Variants in WDR37 observed in about 807,000 individuals in gnomAD.
WDR37 encodes the protein WD repeat-containing protein 37.
A neutral mutation model predicts 62.9 loss-of-function variants in WDR37; 19 were observed. That is an observed-to-expected ratio of 0.30 (90% confidence interval 0.21 to 0.44). WDR37 has a LOEUF of 0.44. Ranked by LOEUF, WDR37 falls within the 20% of genes least tolerant of loss-of-function variation. The pLI, the probability that WDR37 is intolerant of heterozygous loss-of-function variation, is 1.00. For synonymous variants in WDR37, 250 were observed against 260.9 expected (o/e 0.96, Z 0.40); for missense variants, 474 against 657.6 (o/e 0.72, Z 3.05).
In WDR37 at chr10:1,104,304, G is replaced by A. The variant is rs545622005; in HGVS notation, c.961+468G>A. On this transcript the variant is annotated intron_variant, in intron 10 of 13. Coordinates refer to ENST00000263150, the MANE Select transcript of WDR37 (RefSeq NM_014023.4). ...GGTCATTGGAGGAGCTCCTTCTTGC[G>A]TCTGGAGTTTGAGGCCCTGTCTTCT... 9.8e-5 allele frequency among the ~76,000 whole-genome samples: 15 copies of A among 152,312 alleles called. No individual in the cohort carries two copies. The East Asian group carries it at 2.3e-3, about 24-fold the overall frequency.
intron 7 of WDR37, 58 bp from the exon 8 acceptor site, chr10:1,093,394 T>C: frequency 1.5e-6 from 2 of 1,373,524 alleles, no homozygotes; most frequent in South Asian, 2.4e-5. Flanking sequence ...AGCTAATAAA[T>C]GTTGATAACA....
chr10:1,108,758 C>A (rs1005791127), intron 11 of WDR37, among the ~76,000 whole-genome samples: 10 of 136,308 alleles, frequency 7.3e-5, no homozygotes, highest in African/African-American at 2.6e-4. Flanking sequence ...CCCCGTGGAA[C>A]CTGCAGGGCC....
intron 11 of WDR37, among the ~76,000 whole-genome samples, chr10:1,116,303 A>C: frequency 6.8e-6 from 1 of 146,744 alleles, no homozygotes; most frequent in African/African-American, 2.6e-5. Flanking sequence ...CATGTCTCTC[A>C]GTCCTCCCGT....
At chr10:1,124,098 G>C (rs954085731) in intron 11 of WDR37, 120 bp from the exon 12 acceptor site, 6 of 1,365,794 alleles carry the variant, frequency 4.4e-6, no homozygotes, top group Non-Finnish European at 6.0e-6. Context: ...GCAGAGGAGA[G>C]AGCTGTGAGT....
intron 9 of WDR37, among the ~76,000 whole-genome samples, chr10:1,102,670 A>C (rs1834863888): frequency 6.6e-6 from 1 of 152,130 alleles, no homozygotes; most frequent in Non-Finnish European, 1.5e-5. Context: ...GCTATGAGGA[A>C]TCCTCCCCCA....
At chr10:1,079,444 G>A (rs997877758) in intron 3 of WDR37, among the ~76,000 whole-genome samples, 1 of 152,170 alleles carries the variant, frequency 6.6e-6, no homozygotes, top group Non-Finnish European at 1.5e-5. Flanking sequence ...TGAAATGCGG[G>A]TGCTGTCTTT....
intron 8 of WDR37, among the ~76,000 whole-genome samples, chr10:1,094,018 A>G (rs1161509762): frequency 2.0e-5 from 3 of 152,176 alleles, no homozygotes. Flanking sequence ...GGGTAGCCTT[A>G]CAGTACTGAG....
chr10:1,084,576 T>C, intron 6 of WDR37, 38 bp downstream of exon 6: 2 of 1,600,170 alleles, frequency 1.2e-6, no homozygotes, highest in Non-Finnish European at 1.7e-6. Flanking sequence ...TGCGGAAGCA[T>C]GGCTGTGCTT....
At chr10:1,057,885 G>T (rs1225783297) in intron 1 of WDR37, among the ~76,000 whole-genome samples, 1 of 152,082 alleles carries the variant, frequency 6.6e-6, no homozygotes, top group African/African-American at 2.4e-5. Flanking sequence ...TGTGAGTTAC[G>T]GTCATAAAAG....
Position 1,077,897 on chromosome 10 carries a change from T to G in WDR37, c.139-10T>G. 6.2e-7 allele frequency: 1 copy of G among 1,601,348 alleles called. No individual in the cohort carries two copies. The highest frequency in any genetic ancestry group is 8.5e-7 in the Non-Finnish European group (1 of 1,174,322). On this transcript the variant is annotated splice_polypyrimidine_tract_variant and intron_variant, in intron 2 of 13. Transcript: ENST00000263150. Reference sequence around the variant, plus strand: ...CATTCATTCATTTTAAACAAAGTCTTCTTCTGCAGGATTCTAAACTGCCTT... The same window carrying G: ...CATTCATTCATTTTAAACAAAGTCTGCTTCTGCAGGATTCTAAACTGCCTT...
intron 9 of WDR37, among the ~76,000 whole-genome samples, chr10:1,096,920 A>T (rs59245488): frequency 0.096 from 14,687 of 152,210 alleles, 1,480 homozygotes; most frequent in African/African-American, 0.26. Context: ...GAATGCAGGT[A>T]TCATAGACAG....
At chr10:1,084,766 G>A (rs1834146096) in intron 6 of WDR37, among the ~76,000 whole-genome samples, 1 of 152,208 alleles carries the variant, frequency 6.6e-6, no homozygotes, top group Non-Finnish European at 1.5e-5. Flanking sequence ...TGCATTTTGT[G>A]GTCCCGTGGG....
At chr10:1,080,205 C>A in intron 4 of WDR37, 99 bp downstream of exon 4, 1 of 1,402,788 alleles carries the variant, frequency 7.1e-7, no homozygotes, top group Non-Finnish European at 1.0e-6. Flanking sequence ...TTGCTGTCAG[C>A]AGACCTCGAA....
intron 7 of WDR37, among the ~76,000 whole-genome samples, chr10:1,087,985 T>TC (rs1204893086): frequency 6.6e-6 from 1 of 152,244 alleles, no homozygotes; most frequent in Non-Finnish European, 1.5e-5. Context: ...CTGCAGCTTC[T>TC]CCATCAGCAC....
chr10:1,069,387 A>ATTTTTTTTT (rs1368989652), intron 1 of WDR37, among the ~76,000 whole-genome samples: 2 of 30,444 alleles, frequency 6.6e-5, no homozygotes, highest in African/African-American at 1.6e-4. Context: ...ATATATATAT[A>ATTTTTTTTT]TATTTTTTTT....
intron 2 of WDR37, among the ~76,000 whole-genome samples, chr10:1,073,139 AAG>A (rs1341198847): frequency 6.6e-6 from 1 of 152,184 alleles, no homozygotes; most frequent in Non-Finnish European, 1.5e-5. Flanking sequence ...AGAATTTTTA[AAG>A]AGTGTTGTGA....
chr10:1,126,384 C>G (rs372758011), intron 13 of WDR37, among the ~76,000 whole-genome samples: 160 of 146,740 alleles, frequency 1.1e-3, no homozygotes, highest in East Asian at 5.2e-3. Flanking sequence ...CCAGCCTGGG[C>G]GACAGAGCGA....
intron 5 of WDR37, 57 bp from the exon 6 acceptor site, chr10:1,084,346 A>C: frequency 6.3e-7 from 1 of 1,587,612 alleles, no homozygotes; most frequent in Non-Finnish European, 8.6e-7. Context: ...CTCTTTCTTG[A>C]CTTAGAAAAA....
rs118124267 is a variant in WDR37, at chr10:1,083,151, G to A, written c.397-1252G>A. On this transcript the variant is annotated intron_variant, in intron 5 of 13. Transcript: ENST00000263150. ...ATTTAACATCTGAATGACACTTTCT[G>A]TAAGCAAAAGCATCTCCCATGTTGT... is the stretch of plus-strand genomic sequence containing the variant. 1.1e-3 allele frequency among the ~76,000 whole-genome samples: 165 copies of A among 152,284 alleles called. 2 individuals are homozygous for A. Among genetic ancestry groups the A allele is most frequent in the Non-Finnish European group, 1.5e-3 (102 of 68,024 alleles).
Sources: allele counts gnomAD v4.1 joint callset (sites outside exome capture counted in the v4.1 genomes callset), GRCh38; gene constraint gnomAD v4.1.1; transcripts MANE v1.5; gene names NCBI Gene and HGNC (gene_info 2026-07-23, HGNC 2026-07-21).